CRLS1: variants seen among roughly 807,000 people sequenced by gnomAD.
The protein encoded by CRLS1 is cardiolipin synthase (CMP-forming).
A neutral mutation model predicts 37.0 loss-of-function variants in CRLS1; 24 were observed. The ratio of observed to expected loss-of-function variants is 0.65; its 90% CI spans 0.47 to 0.91. CRLS1 has a LOEUF of 0.91. Among genes scored for constraint, CRLS1 ranks in the 40% least tolerant of loss-of-function variants. CRLS1 has a pLI of 0.00. For synonymous variants in CRLS1, 135 were observed against 159.7 expected (o/e 0.85, Z 1.17); for missense variants, 373 against 395.8 (o/e 0.94, Z 0.49).
chr20:6,017,613 G>A (rs914536216), intron 3 of CRLS1, among the ~76,000 whole-genome samples: 1 of 152,106 alleles, frequency 6.6e-6, no homozygotes, highest in African/African-American at 2.4e-5. Flanking sequence ...TTCCACCTTG[G>A]ACATTCTTAG....
intron 1 of CRLS1, chr20:6,006,841 T>A (rs546296894): frequency 1.0e-6 from 1 of 983,450 alleles, no homozygotes; most frequent in Admixed American, 6.1e-5. Context: ...AAAGGTAGCC[T>A]TCGCTTGTCT....
Position 6,037,175 on chromosome 20 carries a change from C to T in CRLS1, c.*17C>T, listed in dbSNP as rs16991693. 8.4e-3 allele frequency: 13,397 copies of T among 1,586,352 alleles called. 968 individuals are homozygous for T. In the African/African-American group the frequency reaches 0.16, roughly 18 times the overall value. ...AAAGACTGATGAAAGTCATCCCTCA[C>T]TGTTAGTAAGGAAGCAGTATACATC... On this transcript the variant is annotated 3_prime_UTR_variant, in exon 7 of 7. Coordinates refer to ENST00000378863, the MANE Select transcript of CRLS1 (RefSeq NM_019095.6).
chr20:6,009,954 C>A (rs202202863), intron 2 of CRLS1, 42 bp downstream of exon 2: 1 of 1,602,216 alleles, frequency 6.2e-7, no homozygotes, highest in South Asian at 1.1e-5. Context: ...CCTTCCAAAT[C>A]CTGGTCTGTA....
At chr20:6,019,937 C>T (rs1979123653) in intron 3 of CRLS1, among the ~76,000 whole-genome samples, 1 of 151,990 alleles carries the variant, frequency 6.6e-6, no homozygotes, top group African/African-American at 2.4e-5. Flanking sequence ...GTGCCTCTAC[C>T]TCTCAAAGTG....
intron 2 of CRLS1, among the ~76,000 whole-genome samples, chr20:6,013,776 T>G (rs2079478719): frequency 6.6e-6 from 1 of 152,170 alleles, no homozygotes; most frequent in South Asian, 2.1e-4. Flanking sequence ...CATTTGTGTG[T>G]TTTCCTTAAG....
intron 2 of CRLS1, among the ~76,000 whole-genome samples, chr20:6,014,217 T>A (rs780909758): frequency 6.6e-6 from 1 of 152,164 alleles, no homozygotes; most frequent in Non-Finnish European, 1.5e-5. Flanking sequence ...GTTTTACAGA[T>A]GAGGAAACTA....
At chr20:6,018,202 T>TGAGA (rs968960744) in intron 3 of CRLS1, among the ~76,000 whole-genome samples, 12 of 111,342 alleles carry the variant, frequency 1.1e-4, no homozygotes, top group African/African-American at 4.7e-4. Context: ...AGTGATGGAG[T>TGAGA]GAGACTCTGT....
intron 3 of CRLS1, among the ~76,000 whole-genome samples, chr20:6,030,001 A>G (rs2123013513): frequency 6.6e-6 from 1 of 152,332 alleles, no homozygotes; most frequent in East Asian, 1.9e-4. Context: ...ATAGCCTCCA[A>G]TAATTCATAA....
Position 6,020,608 on chromosome 20 carries a change from G to C in CRLS1, c.574+5118G>C, listed in dbSNP as rs139404192. 5.3e-5 allele frequency among the ~76,000 whole-genome samples: 8 copies of C among 151,330 alleles called. No homozygotes were observed. In the East Asian group the frequency reaches 1.6e-3, roughly 29 times the overall value. On this transcript the variant is annotated intron_variant, in intron 3 of 6. Transcript: ENST00000378863. Reference sequence around the variant, plus strand: ...TATGATGTTCTTCATAGGTCTATTAGATCAAGTTTTTAATCCTGCTTTTTT... The same window carrying C: ...TATGATGTTCTTCATAGGTCTATTACATCAAGTTTTTAATCCTGCTTTTTT...
chr20:6,036,960 A>G (rs1204818586), intron 6 of CRLS1, 114 bp from the exon 7 acceptor site: 4 of 715,464 alleles, frequency 5.6e-6, no homozygotes, highest in Non-Finnish European at 9.2e-6. Context: ...AGCCCTTTTT[A>G]CTTTTTAAAT....
intron 3 of CRLS1, among the ~76,000 whole-genome samples, chr20:6,022,350 T>C (rs909692264): frequency 6.6e-6 from 1 of 150,498 alleles, no homozygotes; most frequent in Admixed American, 6.6e-5. Context: ...TTTTTTTTTT[T>C]TTTTTCAAGA....
chr20:6,013,754 G>C (rs758329906), intron 2 of CRLS1, among the ~76,000 whole-genome samples: 5 of 152,214 alleles, frequency 3.3e-5, no homozygotes, highest in African/African-American at 4.8e-5. Flanking sequence ...TTTGAAGTGA[G>C]ACCAGTCTTC....
intron 1 of CRLS1, among the ~76,000 whole-genome samples, chr20:6,008,001 A>G (rs1202543220): frequency 6.6e-6 from 1 of 152,066 alleles, no homozygotes; most frequent in Non-Finnish European, 1.5e-5. Flanking sequence ...ACCTGACCCC[A>G]GCAATAACTA....
intron 3 of CRLS1, among the ~76,000 whole-genome samples, chr20:6,022,593 C>A (rs6117038): frequency 6.6e-6 from 1 of 152,126 alleles, no homozygotes; most frequent in South Asian, 2.1e-4. Flanking sequence ...CCACCTTGGC[C>A]TTCCAAAGCG....
chr20:6,013,272 GAACTCCTGGCTTCA>G (rs901551391), intron 2 of CRLS1, among the ~76,000 whole-genome samples: 1 of 140,546 alleles, frequency 7.1e-6, no homozygotes, highest in Admixed American at 7.5e-5. Context: ...GGTTGGCCTT[GAACTCCTGGCTTCA>G]AACGATCCTC....
Position 6,006,276 on chromosome 20 carries a change from GT to G in CRLS1, c.31del (p.Trp11GlyfsTer105). On this transcript the variant is annotated frameshift_variant, in exon 1 of 7. Coordinates refer to ENST00000378863, the MANE Select transcript of CRLS1 (RefSeq NM_019095.6). ...TAGCCTTGCGCGTGGCGCGCGGCTC[GT>G]GGGGGGCCCTGCGCGGCGCCGCTTG... is the stretch of plus-strand genomic sequence containing the variant. MLALRVARGS[W>X]GALRGAAWAP... 2.4e-6 allele frequency: 3 copies of G among 1,264,500 alleles called. No homozygotes were observed. Among genetic ancestry groups the G allele is most frequent in the Non-Finnish European group, 3.0e-6 (3 of 1,009,350 alleles). 78.3% of individuals were successfully genotyped at this position (1,264,500 alleles called of 1,614,324 possible).
intron 3 of CRLS1, among the ~76,000 whole-genome samples, chr20:6,022,513 A>G (rs1176356594): frequency 6.6e-6 from 1 of 151,350 alleles, no homozygotes; most frequent in Non-Finnish European, 1.5e-5. Flanking sequence ...TCATTTTTAT[A>G]TGGTTTTTAG....
At chr20:6,022,500 A>G (rs772128911) in intron 3 of CRLS1, among the ~76,000 whole-genome samples, 5 of 151,976 alleles carry the variant, frequency 3.3e-5, no homozygotes, top group Non-Finnish European at 7.4e-5. Context: ...CACCATGCCC[A>G]TCTCATTTTT....
chr20:6,019,017 T>C (rs973451499), intron 3 of CRLS1, among the ~76,000 whole-genome samples: 1 of 152,214 alleles, frequency 6.6e-6, no homozygotes, highest in Non-Finnish European at 1.5e-5. Context: ...CTTGTTAGGT[T>C]TTCATATCAA....
Sources: allele counts gnomAD v4.1 joint callset (sites outside exome capture counted in the v4.1 genomes callset), GRCh38; gene constraint gnomAD v4.1.1; transcripts MANE v1.5; gene names NCBI Gene and HGNC (gene_info 2026-07-23, HGNC 2026-07-21).